OPA1: variants seen among roughly 807,000 people sequenced by gnomAD.
The protein encoded by OPA1 is dynamin-like GTPase OPA1, mitochondrial.
Under a neutral mutation model 152.9 loss-of-function variants are expected in OPA1, and 59 were observed. The observed-to-expected ratio is 0.39, with a 90% confidence interval of 0.31 to 0.48. OPA1 has a LOEUF of 0.48. OPA1 is among the 20% of genes least tolerant of loss of function. The probability of loss-of-function intolerance (pLI) is 0.96; values close to 1 mark genes in which losing one functional copy is unlikely to be tolerated. For synonymous variants in OPA1, 400 were observed against 389.9 expected (o/e 1.03, Z -0.31); for missense variants, 1,008 against 1,216.8 (o/e 0.83, Z 2.55).
Position 193,626,191 on chromosome 3 carries a change from C to A in OPA1, c.778C>A (p.Gln260Lys). 1 of 1,613,362 alleles carries A rather than the reference C, an allele frequency of 6.2e-7. No individual in the cohort carries two copies. Among genetic ancestry groups the A allele is most frequent in the Non-Finnish European group, 8.5e-7 (1 of 1,179,304 alleles). ...CCAATATAGCACGAGCTATGCCCAA[C>A]AGAAGCGCAAGGTGATGGATGGTTT... ...AGQYSTSYAQ[Q>K]KRKVSDKEKI... The change falls in exon 7 of 31, where the codon CAG becomes AAG. Residue 260 changes from glutamine (Q) to lysine (K), a missense_variant. Physicochemically the swap from Gln to Lys is moderately conservative, Grantham distance 53. Coordinates refer to ENST00000361510, the MANE Select transcript of OPA1 (RefSeq NM_130837.3).
intron 1 of OPA1, among the ~76,000 whole-genome samples, chr3:193,604,879 A>AAAAG (rs1727016191): frequency 6.6e-6 from 1 of 151,886 alleles, no homozygotes. Context: ...AAAAAAAGAA[A>AAAAG]AAAGAAAAGA....
chr3:193,668,842 A>G (rs558069102), intron 29 of OPA1: 15 of 1,091,092 alleles, frequency 1.4e-5, no homozygotes, highest in Admixed American at 9.2e-5. Context: ...ATAGGATTGC[A>G]TACTAAAATT....
At chr3:193,645,197 C>T (rs954084789) in intron 16 of OPA1, among the ~76,000 whole-genome samples, 8 of 152,114 alleles carry the variant, frequency 5.3e-5, no homozygotes, top group Non-Finnish European at 1.5e-5. Flanking sequence ...ATGCCTGGCA[C>T]TGTATCATAT....
At chr3:193,617,743 A>T (rs755323834) in intron 4 of OPA1, 41 bp from the exon 5 acceptor site, 8 of 1,475,440 alleles carry the variant, frequency 5.4e-6, no homozygotes, top group Non-Finnish European at 7.6e-6. Context: ...ATTTCTGTTA[A>T]ATTTTACATT....
chr3:193,614,758 G>A lies in OPA1; in HGVS notation c.68G>A (p.Gly23Glu). ...VCQSLVKHSS[G>E]IKGSLPLQKL... ...CAGTCTTTAGTGAAACACAGCTCTG[G>A]AATAAAAGGAAGTTTACCACTACAA... Residue 23 changes from glycine (G) to glutamate (E), a missense_variant, in exon 2 of 31, where the codon GGA becomes GAA. Physicochemically the swap from Gly to Glu is moderately conservative, Grantham distance 98 (BLOSUM62 -2). Transcript: ENST00000361510. 1.2e-6 allele frequency: 2 copies of A among 1,613,972 alleles called. No homozygotes were observed. The highest frequency in any genetic ancestry group is 1.7e-6 in the Non-Finnish European group (2 of 1,179,932).
chr3:193,633,668 T>C (rs1188964616), intron 8 of OPA1, among the ~76,000 whole-genome samples: 1 of 152,234 alleles, frequency 6.6e-6, no homozygotes, highest in Non-Finnish European at 1.5e-5. Context: ...GGAATTAGTT[T>C]TAATAATATA....
Position 193,670,388 on chromosome 3 carries a change from C to CT in OPA1, c.2983+3123dup, listed in dbSNP as rs35561884. ...CTTACCTTGGAGACTTCCCCCCCAC[C>CT]TTTTTTTTTTTTTTTGAGATGGAGT... On this transcript the variant is annotated intron_variant, in intron 29 of 30. Transcript: ENST00000361510. Among the ~76,000 whole-genome samples, 1,103 of 140,594 alleles carry CT rather than the reference C, an allele frequency of 7.8e-3. 3 individuals carry two copies. The highest frequency in any genetic ancestry group is 0.023 in the South Asian group (99 of 4,396). 92.2% of individuals were successfully genotyped at this position (140,594 alleles called of 152,430 possible). A position where few individuals can be genotyped will look rare whatever the true frequency, so the allele number is the denominator to read the frequency against.
chr3:193,667,714 T>C lies in OPA1; in HGVS notation c.2983+434T>C, dbSNP rs369483258. Among the ~76,000 whole-genome samples the C allele has an allele frequency of 2.0e-5, 3 of 151,678 alleles. No homozygotes were observed. The East Asian group carries it at 5.8e-4, about 29-fold the overall frequency. ...AAAGTTACAAGGAATTTTTTTCTTC[T>C]CTGAAGTATTTGAGAGTAAGTTGCT... On this transcript the variant is annotated intron_variant, in intron 29 of 30. Coordinates refer to ENST00000361510, the MANE Select transcript of OPA1 (RefSeq NM_130837.3).
At chr3:193,667,618 C>T (rs376546476) in intron 29 of OPA1, among the ~76,000 whole-genome samples, 1 of 145,402 alleles carries the variant, frequency 6.9e-6, no homozygotes, top group East Asian at 2.0e-4. Flanking sequence ...TTGCGGTGAG[C>T]CAAGATCCTG....
At chr3:193,693,966 C>T (rs772417293) in intron 30 of OPA1, among the ~76,000 whole-genome samples, 33 of 152,178 alleles carry the variant, frequency 2.2e-4, no homozygotes, top group Admixed American at 1.2e-3. Flanking sequence ...CCGGAAGCCC[C>T]GTTAAAAAGA....
rs537310960 is a variant in OPA1 at position 193,663,842 on chromosome 3, A to G, written c.2661+880A>G. On this transcript the variant is annotated intron_variant, in intron 26 of 30. Transcript: ENST00000361510. ...TATATACATCTAGCATTATTTATAT[A>G]TTGAAAATGAGATGAAAGCTAATGA... Among the ~76,000 whole-genome samples, 14 of 152,274 alleles carry G rather than the reference A, an allele frequency of 9.2e-5. No homozygotes were observed. The East Asian group carries it at 2.7e-3, about 29-fold the overall frequency.
At chr3:193,642,486 A>G (rs1733933818) in intron 11 of OPA1, among the ~76,000 whole-genome samples, 1 of 152,262 alleles carries the variant, frequency 6.6e-6, no homozygotes, top group African/African-American at 2.4e-5. Flanking sequence ...CTGGGGAAAG[A>G]AAGAGGCAGC....
chr3:193,661,785 A>G (rs1203166386), intron 25 of OPA1, among the ~76,000 whole-genome samples: 1 of 152,202 alleles, frequency 6.6e-6, no homozygotes, highest in Non-Finnish European at 1.5e-5. Context: ...GAAGTAAAAC[A>G]TGAGGCAGGA....
At chr3:193,673,687 T>C (rs1448193888) in intron 29 of OPA1, among the ~76,000 whole-genome samples, 1 of 152,212 alleles carries the variant, frequency 6.6e-6, no homozygotes, top group Non-Finnish European at 1.5e-5. Context: ...GGATTGGAAG[T>C]GCAACTTATT....
At chr3:193,660,708 T>C (rs533899123) in intron 25 of OPA1, among the ~76,000 whole-genome samples, 1 of 152,278 alleles carries the variant, frequency 6.6e-6, no homozygotes, top group Admixed American at 6.5e-5. Context: ...ACTATTTTTT[T>C]TTTTGGTAAT....
chr3:193,669,651 T>C (rs1406017738), intron 29 of OPA1, among the ~76,000 whole-genome samples: 4 of 152,262 alleles, frequency 2.6e-5, no homozygotes, highest in African/African-American at 7.2e-5. Flanking sequence ...CAAATATATT[T>C]CTTTTATATC....
intron 1 of OPA1, among the ~76,000 whole-genome samples, chr3:193,601,624 A>C (rs1341505626): frequency 6.6e-6 from 1 of 152,224 alleles, no homozygotes; most frequent in African/African-American, 2.4e-5. Flanking sequence ...TAGTAAAAAG[A>C]GACCCTACTG....
At chr3:193,669,366 T>C (rs1717414387) in intron 29 of OPA1, among the ~76,000 whole-genome samples, 3 of 152,244 alleles carry the variant, frequency 2.0e-5, no homozygotes, top group Admixed American at 2.0e-4. Flanking sequence ...CTGTCACTTT[T>C]GGTTTTTCTC....
intron 7 of OPA1, among the ~76,000 whole-genome samples, chr3:193,631,385 T>G (rs975954189): frequency 6.6e-6 from 1 of 152,234 alleles, no homozygotes; most frequent in Non-Finnish European, 1.5e-5. Context: ...GGGAAATGAT[T>G]GCCTTTTAAG....
Sources: gnomAD v4.1 joint callset for allele counts (sites outside exome capture counted in the v4.1 genomes callset) on GRCh38, gnomAD v4.1.1 for gene constraint, MANE v1.5 for transcripts, NCBI Gene and HGNC (gene_info 2026-07-23, HGNC 2026-07-21) for gene names.